Variants in DOCK2 observed in about 807,000 individuals in gnomAD.
DOCK2 encodes dedicator of cytokinesis protein 2.
DOCK2 carries 87 observed loss-of-function variants against 248.9 expected under a neutral mutation model. That is an observed-to-expected ratio of 0.35 (90% CI 0.29 to 0.42). The LOEUF is 0.42. DOCK2 is among the 10% of genes least tolerant of loss of function. The pLI, the probability that DOCK2 is intolerant of heterozygous loss-of-function variation, is 1.00. For synonymous variants in DOCK2, 805 were observed against 821.6 expected (o/e 0.98, Z 0.35); for missense variants, 1,747 against 2,300.2 (o/e 0.76, Z 4.92).
chr5:169,755,974 C>T (rs924147887), intron 23 of DOCK2, among the ~76,000 whole-genome samples: 1 of 152,186 alleles, frequency 6.6e-6, no homozygotes, highest in Non-Finnish European at 1.5e-5. Flanking sequence ...ACCGTGACAA[C>T]AGTCTTGGCA....
chr5:169,737,952 G>A (rs1763124539), intron 22 of DOCK2, among the ~76,000 whole-genome samples: 2 of 152,214 alleles, frequency 1.3e-5, no homozygotes, highest in Admixed American at 1.3e-4. Context: ...CAGAGGCACA[G>A]GTAAAACAAC....
intron 4 of DOCK2, 137 bp downstream of exon 4, chr5:169,670,734 C>T: frequency 9.7e-7 from 1 of 1,029,110 alleles, no homozygotes; most frequent in Non-Finnish European, 1.4e-6. Flanking sequence ...ATTTGTGGGT[C>T]TCCTTTCCGT....
At chr5:169,995,907 A>G (rs998346683) in intron 29 of DOCK2, among the ~76,000 whole-genome samples, 179 bp from the exon 30 acceptor site, 2 of 152,210 alleles carry the variant, frequency 1.3e-5, no homozygotes, top group African/African-American at 4.8e-5. Flanking sequence ...TGCAAGGCAA[A>G]CAGCCCCGAG....
At position 170,075,738 on chromosome 5, in the gene DOCK2, G is replaced by A; in HGVS notation, c.4729-209G>A. 5.0e-6 allele frequency: 3 copies of A among 599,190 alleles called. No individual in the cohort carries two copies. In the Admixed American group the frequency reaches 8.6e-5, roughly 17 times the overall value. 37.1% of individuals were successfully genotyped at this position (599,190 alleles called of 1,614,324 possible). A position where few individuals can be genotyped will look rare whatever the true frequency, so the allele number is the denominator to read the frequency against. On this transcript the variant is annotated intron_variant, in intron 46 of 51. Transcript: ENST00000520908. ...TCCTATGAGGCAAGGGAAGCTGGGG[G>A]TCTTTCTCTCCTTTCCAGAGCAAAC...
At chr5:169,973,996 G>T (rs996204120) in intron 27 of DOCK2, among the ~76,000 whole-genome samples, 5 of 152,182 alleles carry the variant, frequency 3.3e-5, no homozygotes, top group African/African-American at 1.2e-4. Flanking sequence ...CAGGGGGAGA[G>T]GTGGTGAGGT....
At position 170,047,569 on chromosome 5, in the gene DOCK2, C is replaced by T; in HGVS notation, c.4026C>T (p.Tyr1342=). The change falls in exon 40 of 52, where the codon TAC becomes TAT. Residue 1342 remains tyrosine, a synonymous_variant. Coordinates refer to ENST00000520908, the MANE Select transcript of DOCK2 (RefSeq NM_004946.3). ...IMKILRPKPD[Y]FAVGYYGQGF... is the part of the protein sequence containing the mutation. Reference sequence around the variant, plus strand: ...AAATCCTCAGGCCCAAACCAGACTACTTTGCTGTTGGATACTACGGCCAGG... The same window carrying T: ...AAATCCTCAGGCCCAAACCAGACTATTTTGCTGTTGGATACTACGGCCAGG... 6.2e-7 allele frequency: 1 copy of T among 1,613,984 alleles called. No individual in the cohort carries two copies. Among genetic ancestry groups the T allele is most frequent in the Non-Finnish European group, 8.5e-7 (1 of 1,179,924 alleles).
intron 6 of DOCK2, among the ~76,000 whole-genome samples, chr5:169,680,257 A>T (rs1759585878): frequency 6.6e-6 from 1 of 152,206 alleles, no homozygotes; most frequent in Non-Finnish European, 1.5e-5. Flanking sequence ...TACCTCCTTC[A>T]TAGGGTTGTT....
chr5:169,747,767 A>T (rs942231022), intron 23 of DOCK2, among the ~76,000 whole-genome samples: 6 of 152,218 alleles, frequency 3.9e-5, no homozygotes, highest in Non-Finnish European at 8.8e-5. Context: ...AACCGGATCC[A>T]CTTCCAATGG....
rs145786592 is a variant in DOCK2 at position 170,067,565 on chromosome 5, A to G, written c.4523A>G (p.Lys1508Arg). 6.2e-7 allele frequency: 1 copy of G among 1,614,208 alleles called. No homozygotes were observed. Residue 1508 changes from lysine (K) to arginine (R), a missense_variant, in exon 45 of 52, where the codon AAG becomes AGG. Lys to Arg is a conservative substitution (Grantham distance 26). Around this residue, in one of 4 missense-constraint regions of DOCK2, gnomAD observed 513 missense variants for 586.1 expected, o/e 0.88. Coordinates refer to ENST00000520908, the MANE Select transcript of DOCK2 (RefSeq NM_004946.3). ...GAAACCATGTCCACGGCCAATGAGA[A>G]GATCCTGATGATGATAAACCAGTAC... ...AIETMSTANE[K>R]ILMMINQYQS...
At chr5:169,673,542 A>G (rs758038685) in intron 5 of DOCK2, among the ~76,000 whole-genome samples, 37 of 152,156 alleles carry the variant, frequency 2.4e-4, no homozygotes, top group Non-Finnish European at 3.5e-4. Context: ...AAATTTAGAG[A>G]CAGGGTCTTG....
intron 1 of DOCK2, among the ~76,000 whole-genome samples, chr5:169,641,906 C>A (rs1037542103): frequency 6.6e-6 from 1 of 152,228 alleles, no homozygotes; most frequent in African/African-American, 2.4e-5. Flanking sequence ...AGCTTGATTT[C>A]CCTTTGTAAG....
At chr5:169,681,540 A>G (rs1364171870) in intron 6 of DOCK2, among the ~76,000 whole-genome samples, 1 of 152,012 alleles carries the variant, frequency 6.6e-6, no homozygotes, top group African/African-American at 2.4e-5. Context: ...TAAAAAATTG[A>G]ATGCACACTA....
chr5:169,854,947 G>T (rs1290590857), intron 27 of DOCK2, among the ~76,000 whole-genome samples: 1 of 152,174 alleles, frequency 6.6e-6, no homozygotes, highest in East Asian at 1.9e-4. Flanking sequence ...GTAGCAACGG[G>T]GGATGACCAG....
intron 26 of DOCK2, among the ~76,000 whole-genome samples, chr5:169,818,041 C>T (rs2113219201): frequency 6.6e-6 from 1 of 152,286 alleles, no homozygotes; most frequent in African/African-American, 2.4e-5. Flanking sequence ...GTTGTTTATA[C>T]ATCAGTTTAG....
chr5:169,796,628 G>C (rs941000164), intron 25 of DOCK2, among the ~76,000 whole-genome samples: 1 of 152,176 alleles, frequency 6.6e-6, no homozygotes, highest in African/African-American at 2.4e-5. Flanking sequence ...GTGATAAATA[G>C]TAAGATGGAA....
rs1771932745 is a variant in DOCK2 at position 169,871,013 on chromosome 5, C to T, written c.2799+30161C>T. Among the ~76,000 whole-genome samples, 11 of 152,310 alleles carry T rather than the reference C, an allele frequency of 7.2e-5. No homozygotes were observed. The South Asian group carries it at 2.3e-3, about 32-fold the overall frequency. Reference sequence around the variant, plus strand: ...GGCCCTCTTCCTGGTCTACAGACAGCTGTATTCCCTTGCTGTGTCCTCACG... The same window carrying T: ...GGCCCTCTTCCTGGTCTACAGACAGTTGTATTCCCTTGCTGTGTCCTCACG... On this transcript the variant is annotated intron_variant, in intron 27 of 51. Coordinates refer to ENST00000520908, the MANE Select transcript of DOCK2 (RefSeq NM_004946.3).
At chr5:169,642,277 A>T (rs933998179) in intron 1 of DOCK2, among the ~76,000 whole-genome samples, 1 of 152,258 alleles carries the variant, frequency 6.6e-6, no homozygotes, top group African/African-American at 2.4e-5. Flanking sequence ...TGTGCCAGGC[A>T]TTATGCTAGT....
intron 15 of DOCK2, among the ~76,000 whole-genome samples, chr5:169,710,649 G>T (rs1761530157): frequency 6.6e-6 from 1 of 152,042 alleles, no homozygotes; most frequent in African/African-American, 2.4e-5. Context: ...ATTCCCCCCG[G>T]GCTCTGACTC....
chr5:169,924,098 C>A (rs1775313841), intron 27 of DOCK2, among the ~76,000 whole-genome samples: 1 of 152,150 alleles, frequency 6.6e-6, no homozygotes, highest in Non-Finnish European at 1.5e-5. Context: ...CCCTGCTGTG[C>A]CCCCTGGAAT....
Sources: allele counts gnomAD v4.1 joint callset (sites outside exome capture counted in the v4.1 genomes callset), GRCh38; gene constraint gnomAD v4.1.1; regional missense constraint gnomAD v4.1.1; transcripts MANE v1.5; gene names NCBI Gene and HGNC (gene_info 2026-07-23, HGNC 2026-07-21).